ARID5B: variants seen among roughly 807,000 people sequenced by gnomAD.
ARID5B encodes the protein AT-rich interactive domain-containing protein 5B.
Under a neutral mutation model 97.2 loss-of-function variants are expected in ARID5B, and 13 were observed. The ratio of observed to expected loss-of-function variants is 0.13; its 90% CI spans 0.09 to 0.21. The LOEUF (loss-of-function observed/expected upper bound fraction) is 0.21. ARID5B is among the 10% of genes least tolerant of loss of function. The pLI is 1.00. For missense variants in ARID5B, 1,210 were observed against 1,465.3 expected (o/e 0.83, Z 2.84); for synonymous variants, 556 against 570.3 (o/e 0.97, Z 0.36).
In ARID5B at chr10:62,000,408, C is replaced by A; in HGVS notation, c.733+87C>A. ...TCTTCTGAAGAGCGGTGATGGGGAACGGGGCTCACTTTCACAAGCCCCATG... is the reference window on the plus strand; with the variant it reads ...TCTTCTGAAGAGCGGTGATGGGGAAAGGGGCTCACTTTCACAAGCCCCATG... On this transcript the variant is annotated intron_variant, in intron 4 of 9. Transcript: ENST00000279873. The surrounding 1 kb of genome is among the most constrained non-coding windows in gnomAD (Gnocchi z 4.4). The A allele has an allele frequency of 7.9e-7, 1 of 1,263,700 alleles. No individual in the cohort carries two copies. Among genetic ancestry groups the A allele is most frequent in the African/African-American group, 1.5e-5 (1 of 66,254 alleles). The allele number at this position is 1,263,700 out of a possible 1,614,324, so 78.3% of individuals were successfully genotyped here.
At position 62,057,223 on chromosome 10, in the gene ARID5B, G is replaced by A; in HGVS notation, c.953G>A (p.Arg318Lys). 6.2e-7 allele frequency: 1 copy of A among 1,613,882 alleles called. No individual in the cohort carries two copies. Among genetic ancestry groups the A allele is most frequent in the South Asian group, 1.1e-5 (1 of 91,068 alleles). ...KPKVAIGEEC[R>K]ADEQAFLVAL... is the part of the protein sequence containing the mutation. Reference sequence around the variant, plus strand: ...AAGGTTGCCATTGGTGAAGAGTGCAGGGCAGATGAACAAGCCTTCTTGGTG... The same window carrying A: ...AAGGTTGCCATTGGTGAAGAGTGCAAGGCAGATGAACAAGCCTTCTTGGTG... The change falls in exon 6 of 10, where the codon AGG (arginine) becomes AAG (lysine). Residue 318 changes from arginine to lysine, a missense_variant. Around this residue, in one of 8 missense-constraint regions of ARID5B, gnomAD observed 59 missense variants for 156.7 expected, o/e 0.38. Transcript: ENST00000279873.
intron 5 of ARID5B, among the ~76,000 whole-genome samples, chr10:62,051,923 GA>G (rs959065209): frequency 1.1e-4 from 16 of 145,566 alleles, no homozygotes; most frequent in South Asian, 4.3e-4. Context: ...GTCTGATGTA[GA>G]AAAAAAAAAA....
intron 3 of ARID5B, among the ~76,000 whole-genome samples, chr10:61,984,686 C>T (rs1197448140): frequency 1.3e-5 from 2 of 152,224 alleles, no homozygotes; most frequent in African/African-American, 4.8e-5. Context: ...CATGCATGAG[C>T]GCAGCCTCGC....
At chr10:61,982,392 T>C (rs540564310) in intron 3 of ARID5B, among the ~76,000 whole-genome samples, 16 of 152,334 alleles carry the variant, frequency 1.1e-4, no homozygotes, top group African/African-American at 3.6e-4. Context: ...AAGAAGGCTC[T>C]GTTGAAGTGG....
chr10:61,936,075 G>A (rs976110048), intron 2 of ARID5B, among the ~76,000 whole-genome samples: 2 of 152,128 alleles, frequency 1.3e-5, no homozygotes, highest in Non-Finnish European at 2.9e-5. Context: ...AGAGATTCCC[G>A]AGGGTTTCTG....
chr10:61,947,433 T>G (rs1444409376), intron 3 of ARID5B, among the ~76,000 whole-genome samples: 2 of 151,854 alleles, frequency 1.3e-5, no homozygotes, highest in East Asian at 3.9e-4. Context: ...CATGCCCAGC[T>G]AATTTTTGTA....
intron 4 of ARID5B, among the ~76,000 whole-genome samples, chr10:62,026,895 T>C (rs187916470): frequency 1.1e-3 from 173 of 152,258 alleles, no homozygotes; most frequent in African/African-American, 3.9e-3. Context: ...TGGCTGAAAA[T>C]GAATAAATGA....
Position 61,953,155 on chromosome 10 carries a change from T to C in ARID5B, c.502+12747T>C, listed in dbSNP as rs570961554. On this transcript the variant is annotated intron_variant, in intron 3 of 9. Coordinates refer to ENST00000279873, the MANE Select transcript of ARID5B (RefSeq NM_032199.3). ...TAAAATGGTTGCTTGCTAATTATGG[T>C]GGAAGATATTCTCCATCTTCCAACT... Among the ~76,000 whole-genome samples, 518 of 152,308 alleles carry C rather than the reference T, an allele frequency of 3.4e-3. 1 individual carries two copies. Among genetic ancestry groups the C allele is most frequent in the South Asian group, 0.01 (50 of 4,828 alleles).
chr10:61,931,391 A>G (rs1844207195), intron 2 of ARID5B, among the ~76,000 whole-genome samples: 1 of 152,224 alleles, frequency 6.6e-6, no homozygotes, highest in Admixed American at 6.5e-5. Context: ...TAAAATGTAA[A>G]CCTATAAAAC....
intron 3 of ARID5B, among the ~76,000 whole-genome samples, chr10:61,973,424 G>T (rs1373689873): frequency 3.9e-5 from 6 of 152,208 alleles, no homozygotes; most frequent in Admixed American, 2.0e-4. Flanking sequence ...AGTTCATTAT[G>T]AAATCACTCA....
At chr10:61,974,067 A>T (rs1369065751) in intron 3 of ARID5B, among the ~76,000 whole-genome samples, 1 of 152,236 alleles carries the variant, frequency 6.6e-6, no homozygotes, top group East Asian at 1.9e-4. Context: ...ACTCTTTAAC[A>T]TATAAGAACA....
At chr10:61,933,062 C>T (rs1274320803) in intron 2 of ARID5B, among the ~76,000 whole-genome samples, 3 of 152,162 alleles carry the variant, frequency 2.0e-5, no homozygotes, top group South Asian at 2.1e-4. Context: ...CAGAGCCAGA[C>T]CCAACTCAAA....
In ARID5B at chr10:62,091,743, C is replaced by G; in HGVS notation, c.2280C>G (p.Ser760Arg). 1 of 1,614,144 alleles carries G rather than the reference C, an allele frequency of 6.2e-7. No individual in the cohort carries two copies. The highest frequency in any genetic ancestry group is 8.5e-7 in the Non-Finnish European group (1 of 1,180,034). ...SVIQHVQSFR[S>R]KPSEERKTIN... ...TTCAGCACGTCCAGAGTTTCAGAAG[C>G]AAGCCCTCGGAAGAGAGAAAGACCA... Residue 760 changes from serine to arginine, a missense_variant, in exon 10 of 10, where the codon AGC (serine) becomes AGG (arginine). Ser to Arg is a moderately radical substitution (Grantham distance 110). Coordinates refer to ENST00000279873, the MANE Select transcript of ARID5B (RefSeq NM_032199.3).
intron 3 of ARID5B, among the ~76,000 whole-genome samples, chr10:61,981,142 C>T (rs1698870994): frequency 6.6e-6 from 1 of 152,204 alleles, no homozygotes; most frequent in Non-Finnish European, 1.5e-5. Context: ...AAACTTATCC[C>T]TCATAGGATT....
intron 2 of ARID5B, among the ~76,000 whole-genome samples, chr10:61,906,858 C>T (rs1843717053): frequency 6.6e-6 from 1 of 152,170 alleles, no homozygotes; most frequent in Non-Finnish European, 1.5e-5. Flanking sequence ...TCCGTTTTCT[C>T]ATCTGTAAAG....
chr10:61,988,411 C>T lies in ARID5B; in HGVS notation c.503-11680C>T, dbSNP rs150362525. 8.2e-4 allele frequency among the ~76,000 whole-genome samples: 125 copies of T among 152,316 alleles called. 2 individuals are homozygous for T. The East Asian group carries it at 0.024, about 29-fold the overall frequency. ...TGTTTAACCCAGAGGAGAGGGCTCT[C>T]ACCAGGTCTTAACAGTTGAAGCTTT... On this transcript the variant is annotated intron_variant, in intron 3 of 9. Transcript: ENST00000279873.
chr10:62,049,419 A>G, intron 4 of ARID5B: 1 of 1,550,400 alleles, frequency 6.4e-7, no homozygotes, highest in Non-Finnish European at 8.7e-7. Flanking sequence ...GCCGGGGAGC[A>G]GTCACATGCT....
chr10:62,032,873 C>A (rs191852891), intron 4 of ARID5B, among the ~76,000 whole-genome samples: 76 of 152,252 alleles, frequency 5.0e-4, no homozygotes, highest in Non-Finnish European at 5.1e-4. Flanking sequence ...ACCCTAACTT[C>A]TATATAGGTA....
intron 4 of ARID5B, among the ~76,000 whole-genome samples, chr10:62,030,786 T>C (rs1171053656): frequency 6.6e-6 from 1 of 152,228 alleles, no homozygotes; most frequent in Non-Finnish European, 1.5e-5. Context: ...AATAGTTGCC[T>C]AGCAACCACG....
Sources: gnomAD v4.1 joint callset for allele counts (sites outside exome capture counted in the v4.1 genomes callset) on GRCh38, gnomAD v4.1.1 for gene constraint, gnomAD v4.1.1 regional missense constraint, Gnocchi (gnomAD v3.1) non-coding constraint, MANE v1.5 for transcripts, NCBI Gene and HGNC (gene_info 2026-07-23, HGNC 2026-07-21) for gene names.